Variants in PDK3 observed in about 807,000 individuals in gnomAD.
PDK3 encodes pyruvate dehydrogenase kinase, isozyme 3.
Under a neutral mutation model 32.0 loss-of-function variants are expected in PDK3, and 12 were observed. The observed-to-expected ratio is 0.37, with a 90% CI of 0.24 to 0.61. The LOEUF (loss-of-function observed/expected upper bound fraction) is 0.61. Among genes scored for constraint, PDK3 ranks in the 20% least tolerant of loss-of-function variants. PDK3 has a pLI of 0.65. For missense variants in PDK3, 188 were observed against 316.9 expected, an observed-to-expected ratio of 0.59 and a Z score of 3.09; for synonymous variants, 122 against 116.3, an observed-to-expected ratio of 1.05 and a Z score of -0.31.
At chrX:24,540,957 T>C (rs1429432334) in exon 12 of PDK3, among the ~76,000 whole-genome samples, 1 of 85,831 alleles carries the variant, frequency 1.2e-5, no homozygotes, top group Non-Finnish European at 2.1e-5. Context: ...TCCCCTAGGC[T>C]GGAGTGCAGT....
downstream of PDK3, among the ~76,000 whole-genome samples, chrX:24,537,055 C>T (rs1192453104): frequency 3.6e-5 from 4 of 109,960 alleles, no homozygotes; most frequent in Non-Finnish European, 5.7e-5. Context: ...TCATCTTATA[C>T]CTTCTGTGCC....
At chrX:24,487,177 C>T (rs1242690797) in intron 1 of PDK3, among the ~76,000 whole-genome samples, 1 of 112,694 alleles carries the variant, frequency 8.9e-6, no homozygotes, top group Non-Finnish European at 1.9e-5. Flanking sequence ...GGTCTCCATT[C>T]ACATGTCAGA....
intron 1 of PDK3, among the ~76,000 whole-genome samples, chrX:24,480,272 A>C (rs1921220787): frequency 1.8e-5 from 2 of 112,684 alleles, no homozygotes; most frequent in Non-Finnish European, 3.7e-5. Flanking sequence ...GTTTCCCAAG[A>C]GGCTGAAATA....
intron 5 of PDK3, among the ~76,000 whole-genome samples, chrX:24,509,348 G>A (rs1335826816): frequency 2.7e-5 from 3 of 110,731 alleles, no homozygotes; most frequent in African/African-American, 9.9e-5. Flanking sequence ...TTATTGCACT[G>A]TGAACAAAGT....
At chrX:24,473,779 A>G (rs1921035568) in intron 1 of PDK3, among the ~76,000 whole-genome samples, 1 of 111,496 alleles carries the variant, frequency 9.0e-6, no homozygotes, top group Non-Finnish European at 1.9e-5. Flanking sequence ...GTCTTGTTCC[A>G]TATTTTTTTC....
exon 12 of PDK3, chrX:24,550,359 G>T (rs1010108425): frequency 5.4e-5 from 6 of 112,052 alleles, no homozygotes; most frequent in African/African-American, 1.6e-4. Context: ...ATGTTCCCCG[G>T]AAGTTGCAGA....
At chrX:24,508,694 C>T (rs1922043866) in intron 5 of PDK3, among the ~76,000 whole-genome samples, 1 of 110,917 alleles carries the variant, frequency 9.0e-6, no homozygotes. Context: ...TACATATTAC[C>T]TGGCCTTGTC....
intron 2 of PDK3, 22 bp from the exon 3 acceptor site, chrX:24,498,807 T>TC (rs1319348688): frequency 1.0e-6 from 1 of 991,244 alleles, no homozygotes; most frequent in African/African-American, 2.0e-5. Flanking sequence ...CTCTTCTTTT[T>TC]CTTTTTTTTT....
intron 1 of PDK3, among the ~76,000 whole-genome samples, chrX:24,491,182 C>T (rs1330015352): frequency 1.9e-5 from 2 of 106,439 alleles, no homozygotes; most frequent in Non-Finnish European, 3.8e-5. Context: ...GGCATGGTGG[C>T]GGATGCCTTT....
chrX:24,481,384 C>T (rs940859198), intron 1 of PDK3, among the ~76,000 whole-genome samples: 14 of 112,177 alleles, frequency 1.2e-4, no homozygotes, highest in African/African-American at 4.5e-4. Flanking sequence ...TAGCACTGCT[C>T]TCCAGAGTTT....
intron 1 of PDK3, among the ~76,000 whole-genome samples, chrX:24,484,374 A>G (rs1921346093): frequency 8.9e-6 from 1 of 112,582 alleles, no homozygotes; most frequent in South Asian, 3.7e-4. Context: ...CAATCTTTTG[A>G]GGAATCATGA....
intron 6 of PDK3, among the ~76,000 whole-genome samples, chrX:24,525,505 A>G (rs1242067271): frequency 8.9e-6 from 1 of 111,923 alleles, no homozygotes; most frequent in Non-Finnish European, 1.9e-5. Flanking sequence ...TGTAGTTTCA[A>G]TCTCTTAAGT....
At chrX:24,516,801 T>C (rs1922264515) in intron 5 of PDK3, among the ~76,000 whole-genome samples, 1 of 108,858 alleles carries the variant, frequency 9.2e-6, no homozygotes, top group South Asian at 4.0e-4. Context: ...GTATGTACTT[T>C]TTTTTTTTTT....
rs918992335 is a variant in PDK3, at chrX:24,465,411, G to A, written c.-45G>A. The A allele has an allele frequency of 9.9e-7, 1 of 1,010,861 alleles. No homozygotes were observed. Among genetic ancestry groups the A allele is most frequent in the Middle Eastern group, 2.7e-4 (1 of 3,675 alleles). The allele number at this position is 1,010,861 out of a possible 1,213,427, so 83.3% of individuals were successfully genotyped here. ...GCGGCTTGGCTGCGCCAGCCCTTGC[G>A]GCCACCCGGGCGTCTAGGCGGGTCT... On this transcript the variant is annotated 5_prime_UTR_variant, in exon 1 of 11. Transcript: ENST00000379162.
chrX:24,527,102 A>C (rs1922539874), intron 7 of PDK3, among the ~76,000 whole-genome samples: 1 of 111,550 alleles, frequency 9.0e-6, no homozygotes, highest in Non-Finnish European at 1.9e-5. Flanking sequence ...TACTTTTTTC[A>C]GCCAAATGAT....
intron 5 of PDK3, among the ~76,000 whole-genome samples, chrX:24,518,098 T>C (rs1922301645): frequency 1.8e-5 from 2 of 112,222 alleles, no homozygotes; most frequent in Admixed American, 1.9e-4. Context: ...ATTTTGGTAA[T>C]AGTATAAGTT....
chrX:24,539,029 G>C (rs769589014), downstream of PDK3: 1 of 521,103 alleles, frequency 1.9e-6, no homozygotes, highest in Admixed American at 3.6e-5. Flanking sequence ...TATGGCAAGG[G>C]TTTTTGAATT....
intron 5 of PDK3, among the ~76,000 whole-genome samples, chrX:24,509,139 A>C (rs775556320): frequency 1.8e-5 from 2 of 112,049 alleles, no homozygotes; most frequent in Non-Finnish European, 3.8e-5. Flanking sequence ...GGTTATATGA[A>C]GAATAGTTCA....
intron 6 of PDK3, among the ~76,000 whole-genome samples, chrX:24,524,582 T>G (rs907774642): frequency 9.8e-5 from 11 of 112,201 alleles, no homozygotes; most frequent in Non-Finnish European, 2.1e-4. Context: ...GGTACACTGT[T>G]GTGGTTGTTC....
Sources: gnomAD v4.1 joint callset for allele counts (sites outside exome capture counted in the v4.1 genomes callset) on GRCh38, gnomAD v4.1.1 for gene constraint, MANE v1.5 for transcripts, NCBI Gene and HGNC (gene_info 2026-07-23, HGNC 2026-07-21) for gene names.